Variants in ADAMTS20 observed in about 807,000 individuals in gnomAD.
The protein encoded by ADAMTS20 is A disintegrin and metalloproteinase with thrombospondin motifs 20.
A neutral mutation model predicts 260.1 loss-of-function variants in ADAMTS20; 225 were observed. The observed-to-expected ratio is 0.87, with a 90% CI of 0.78 to 0.97. ADAMTS20 has a LOEUF of 0.97. ADAMTS20 is among the 50% of genes least tolerant of loss of function. The probability of loss-of-function intolerance (pLI) is 0.00; values close to 1 mark genes in which losing one functional copy is unlikely to be tolerated. For missense variants in ADAMTS20, 2,400 were observed against 2,337.7 expected, an observed-to-expected ratio of 1.03 and a Z score of -0.55; for synonymous variants, 802 against 769.5, an observed-to-expected ratio of 1.04 and a Z score of -0.70.
intron 18 of ADAMTS20, among the ~76,000 whole-genome samples, chr12:43,437,608 C>T (rs556339905): frequency 4.6e-5 from 7 of 152,138 alleles, no homozygotes; most frequent in Non-Finnish European, 8.8e-5. Context: ...TCTATTTATA[C>T]CAGCTAAACT....
At chr12:43,534,726 C>A (rs73087806) in intron 2 of ADAMTS20, among the ~76,000 whole-genome samples, 12,954 of 152,044 alleles carry the variant, frequency 0.085, 740 homozygotes, top group Admixed American at 0.19. Context: ...ACAAAAAAAA[C>A]TACTAAACAG....
intron 2 of ADAMTS20, among the ~76,000 whole-genome samples, chr12:43,535,141 A>G (rs1592114681): frequency 1.3e-5 from 2 of 152,238 alleles, no homozygotes; most frequent in East Asian, 3.9e-4. Context: ...CATATGTTGC[A>G]TTTATATGTT....
intron 14 of ADAMTS20, among the ~76,000 whole-genome samples, chr12:43,448,267 A>G (rs1334467614): frequency 6.6e-6 from 1 of 152,230 alleles, no homozygotes; most frequent in Non-Finnish European, 1.5e-5. Context: ...TAACCAAAAC[A>G]GCATGGAACT....
At chr12:43,472,069 G>A (rs1268518620) in intron 7 of ADAMTS20, among the ~76,000 whole-genome samples, 8 of 151,616 alleles carry the variant, frequency 5.3e-5, no homozygotes, top group African/African-American at 1.7e-4. Context: ...ACCAAAGGCA[G>A]AGAAGTTGAA....
At chr12:43,550,208 G>C (rs1352451766) in intron 2 of ADAMTS20, among the ~76,000 whole-genome samples, 2 of 152,154 alleles carry the variant, frequency 1.3e-5, no homozygotes, top group Non-Finnish European at 2.9e-5. Context: ...ATGAAGGTAG[G>C]TGAAACCACA....
At chr12:43,435,729 T>C (rs960093002) in intron 18 of ADAMTS20, among the ~76,000 whole-genome samples, 1 of 149,818 alleles carries the variant, frequency 6.7e-6, no homozygotes, top group African/African-American at 2.4e-5. Flanking sequence ...GATACCAAGT[T>C]GGAGTAGACC....
At chr12:43,480,002 A>G (rs1001470561) in intron 7 of ADAMTS20, among the ~76,000 whole-genome samples, 4 of 152,192 alleles carry the variant, frequency 2.6e-5, no homozygotes, top group African/African-American at 9.6e-5. Context: ...AGAAAATGCT[A>G]TGAAAATCAT....
chr12:43,356,396 T>C (rs1050942299), intron 38 of ADAMTS20, 88 bp downstream of exon 38: 1 of 779,098 alleles, frequency 1.3e-6, no homozygotes, highest in Non-Finnish European at 2.1e-6. Flanking sequence ...CAATTTCATA[T>C]AAGTTTACAT....
At chr12:43,505,054 A>T (rs1435860543) in intron 3 of ADAMTS20, among the ~76,000 whole-genome samples, 2 of 152,214 alleles carry the variant, frequency 1.3e-5, no homozygotes, top group African/African-American at 4.8e-5. Flanking sequence ...ATGAACTGCA[A>T]TAGAGACCCC....
intron 7 of ADAMTS20, among the ~76,000 whole-genome samples, chr12:43,477,390 T>C (rs1395071096): frequency 6.6e-6 from 1 of 152,178 alleles, no homozygotes; most frequent in Non-Finnish European, 1.5e-5. Flanking sequence ...AGTGATCTCA[T>C]AAAATACTCT....
At chr12:43,374,146 A>G (rs1037048777) in intron 36 of ADAMTS20, among the ~76,000 whole-genome samples, 4 of 152,174 alleles carry the variant, frequency 2.6e-5, no homozygotes, top group Non-Finnish European at 5.9e-5. Context: ...AATTACACCC[A>G]GACAGTCTAG....
chr12:43,533,047 T>G (rs1943247378), intron 2 of ADAMTS20, among the ~76,000 whole-genome samples: 2 of 40,806 alleles, frequency 4.9e-5, no homozygotes, highest in Non-Finnish European at 5.7e-5. Context: ...CAGCATGATT[T>G]ATAGTCCTTT....
At chr12:43,494,797 A>T (rs1942653347) in intron 4 of ADAMTS20, among the ~76,000 whole-genome samples, 1 of 152,220 alleles carries the variant, frequency 6.6e-6, no homozygotes. Flanking sequence ...AGAAAAAAAA[A>T]GCACACCTGT....
chr12:43,442,345 C>T (rs1393542548), intron 16 of ADAMTS20, among the ~76,000 whole-genome samples: 1 of 151,862 alleles, frequency 6.6e-6, no homozygotes, highest in Non-Finnish European at 1.5e-5. Flanking sequence ...GCAACCTCCG[C>T]CCCCCAGATT....
chr12:43,392,926 A>G (rs760403350), intron 29 of ADAMTS20, among the ~76,000 whole-genome samples: 5 of 152,068 alleles, frequency 3.3e-5, no homozygotes, highest in Non-Finnish European at 7.4e-5. Context: ...TTTCTTCTAT[A>G]CATGAGTAAT....
At chr12:43,476,780 G>T (rs1485463499) in intron 7 of ADAMTS20, among the ~76,000 whole-genome samples, 1 of 146,198 alleles carries the variant, frequency 6.8e-6, no homozygotes, top group African/African-American at 2.5e-5. Flanking sequence ...TCACTCATAG[G>T]TGGGAATTGA....
intron 2 of ADAMTS20, among the ~76,000 whole-genome samples, chr12:43,545,240 A>T (rs1428506908): frequency 2.6e-5 from 4 of 152,202 alleles, no homozygotes; most frequent in African/African-American, 9.6e-5. Flanking sequence ...ACAATGGTGC[A>T]TAAGAGGAGA....
chr12:43,487,123 C>T (rs1475854387), intron 7 of ADAMTS20, among the ~76,000 whole-genome samples: 2 of 152,160 alleles, frequency 1.3e-5, no homozygotes, highest in Non-Finnish European at 2.9e-5. Context: ...CACCTGCACA[C>T]ATATGCTATC....
intron 7 of ADAMTS20, among the ~76,000 whole-genome samples, chr12:43,470,119 A>G (rs1344269846): frequency 2.0e-5 from 3 of 152,192 alleles, no homozygotes; most frequent in Non-Finnish European, 4.4e-5. Context: ...TTTCCTTAAG[A>G]TTCTACAATT....
Sources: gnomAD v4.1 joint callset for allele counts (sites outside exome capture counted in the v4.1 genomes callset) on GRCh38, gnomAD v4.1.1 for gene constraint, MANE v1.5 for transcripts, NCBI Gene and HGNC (gene_info 2026-07-23, HGNC 2026-07-21) for gene names.